The following CEP112 variants were observed in gnomAD, a reference collection of about 807,000 sequenced individuals.
The protein encoded by CEP112 is centrosomal protein of 112 kDa.
A neutral mutation model predicts 153.0 loss-of-function variants in CEP112; 127 were observed. That is an observed-to-expected ratio of 0.83 (90% CI 0.72 to 0.96). The LOEUF is 0.96. Ranked by LOEUF, CEP112 falls within the 40% of genes least tolerant of loss-of-function variation. CEP112 has a pLI of 0.00. For missense variants in CEP112, 1,089 were observed against 1,101.2 expected (o/e 0.99, Z 0.16); for synonymous variants, 358 against 374.4 (o/e 0.96, Z 0.51).
At chr17:66,058,259 T>C (rs916048653) in intron 11 of CEP112, among the ~76,000 whole-genome samples, 2 of 152,046 alleles carry the variant, frequency 1.3e-5, no homozygotes, top group Non-Finnish European at 2.9e-5. Flanking sequence ...CTAGAATATA[T>C]GAAATTAGGG....
At chr17:66,077,548 A>G (rs561850067) in intron 8 of CEP112, among the ~76,000 whole-genome samples, 13 of 152,354 alleles carry the variant, frequency 8.5e-5, no homozygotes, top group Non-Finnish European at 7.3e-5. Context: ...AAAGGCTCCA[A>G]GAAGCCTGGG....
intron 21 of CEP112, among the ~76,000 whole-genome samples, chr17:65,831,032 G>A (rs2057054534): frequency 6.6e-6 from 1 of 152,156 alleles, no homozygotes. Context: ...AGTAACAACA[G>A]GCCAGCATTT....
intron 21 of CEP112, among the ~76,000 whole-genome samples, chr17:65,821,670 GCCT>G (rs1303386222): frequency 6.8e-6 from 1 of 146,844 alleles, no homozygotes; most frequent in Non-Finnish European, 1.5e-5. Flanking sequence ...TCCTCCCTCA[GCCT>G]CCTGAGTAGC....
At chr17:66,155,973 C>T (rs2071420577) in intron 4 of CEP112, among the ~76,000 whole-genome samples, 1 of 152,210 alleles carries the variant, frequency 6.6e-6, no homozygotes, top group African/African-American at 2.4e-5. Context: ...AGACTTAAAC[C>T]TTCCTTCCTG....
At chr17:65,947,187 G>A (rs1156672128) in intron 18 of CEP112, among the ~76,000 whole-genome samples, 3 of 152,036 alleles carry the variant, frequency 2.0e-5, no homozygotes, top group Non-Finnish European at 4.4e-5. Context: ...GGCTACCTTA[G>A]ATGACTCTCC....
chr17:65,943,529 T>G (rs2061563634), intron 18 of CEP112, among the ~76,000 whole-genome samples: 1 of 152,224 alleles, frequency 6.6e-6, no homozygotes, highest in African/African-American at 2.4e-5. Flanking sequence ...GAATGTTGAA[T>G]ATTGGCCGCC....
chr17:65,666,950 T>C (rs1978162), intron 24 of CEP112, among the ~76,000 whole-genome samples: 12,869 of 152,248 alleles, frequency 0.085, 1,228 homozygotes, highest in East Asian at 0.43. Context: ...TCCTTCAGGA[T>C]ATTATTTAAA....
chr17:66,049,680 G>A (rs2066358766), intron 12 of CEP112, among the ~76,000 whole-genome samples: 1 of 152,234 alleles, frequency 6.6e-6, no homozygotes, highest in Admixed American at 6.5e-5. Context: ...GAAGCCAGGA[G>A]GTGGAGGCTG....
intron 17 of CEP112, among the ~76,000 whole-genome samples, chr17:65,977,599 C>T (rs1334499006): frequency 2.0e-5 from 3 of 152,086 alleles, no homozygotes; most frequent in Non-Finnish European, 4.4e-5. Flanking sequence ...ACATGGTGGG[C>T]AGCAGTCAGA....
At chr17:65,640,267 C>T (rs2143301764) in intron 25 of CEP112, among the ~76,000 whole-genome samples, 1 of 150,502 alleles carries the variant, frequency 6.6e-6, no homozygotes, top group East Asian at 2.0e-4. Flanking sequence ...GATTCTCCTG[C>T]CTCAGCCTTC....
Position 65,823,394 on chromosome 17 carries a change from T to C in CEP112, c.2394+28410A>G, listed in dbSNP as rs7222717. On this transcript the variant is annotated intron_variant, in intron 21 of 26. Coordinates refer to ENST00000535342, the MANE Select transcript of CEP112 (RefSeq NM_001199165.4). ...AGTAGGCCACATATATGTGGTCAAA[T>C]GATTTTCAACAAAGCTGCAAAGGCA... Among the ~76,000 whole-genome samples the C allele has an allele frequency of 1.0e-2, 1,520 of 152,314 alleles. 32 individuals carry two copies. Among genetic ancestry groups the C allele is most frequent in the African/African-American group, 0.035 (1,448 of 41,580 alleles).
intron 20 of CEP112, among the ~76,000 whole-genome samples, chr17:65,877,067 G>A (rs74805895): frequency 0.012 from 1,839 of 152,292 alleles, 41 homozygotes; most frequent in African/African-American, 0.042. Flanking sequence ...CAGATGAGAA[G>A]CTCTGCACGT....
chr17:66,081,558 G>A (rs182652999), intron 8 of CEP112, among the ~76,000 whole-genome samples: 15 of 151,834 alleles, frequency 9.9e-5, no homozygotes, highest in East Asian at 3.9e-4. Context: ...CAATAACTGT[G>A]GCTTTCTTTA....
chr17:66,146,797 A>G (rs1481450270), intron 4 of CEP112, among the ~76,000 whole-genome samples: 5 of 152,158 alleles, frequency 3.3e-5, no homozygotes, highest in Non-Finnish European at 5.9e-5. Context: ...TTCACTTAGC[A>G]TAATGTCTTC....
chr17:65,996,392 CTATGT>C (rs1598049545), intron 17 of CEP112, among the ~76,000 whole-genome samples: 1 of 151,882 alleles, frequency 6.6e-6, no homozygotes, highest in Admixed American at 6.6e-5. Flanking sequence ...TTTACTCAAT[CTATGT>C]TATATCTATA....
intron 21 of CEP112, among the ~76,000 whole-genome samples, chr17:65,753,565 T>C (rs1315642591): frequency 1.3e-5 from 2 of 152,172 alleles, no homozygotes; most frequent in Non-Finnish European, 2.9e-5. Context: ...GTCATCAGAC[T>C]TGACTCCAGC....
intron 18 of CEP112, 54 bp from the exon 19 acceptor site, chr17:65,927,743 T>A: frequency 8.7e-7 from 1 of 1,147,270 alleles, no homozygotes; most frequent in African/African-American, 1.6e-5. Context: ...TTGTGTTCCA[T>A]GTTTTTGTAA....
intron 21 of CEP112, among the ~76,000 whole-genome samples, chr17:65,836,491 T>A (rs1286070487): frequency 6.6e-6 from 1 of 152,168 alleles, no homozygotes; most frequent in Non-Finnish European, 1.5e-5. Context: ...CAGGAATAGT[T>A]ACACTTATAT....
chr17:66,160,955 A>G (rs1034729040), intron 4 of CEP112, among the ~76,000 whole-genome samples: 2 of 152,168 alleles, frequency 1.3e-5, no homozygotes, highest in Admixed American at 1.3e-4. Flanking sequence ...CACAAGACTA[A>G]TATCCAGAAT....
Sources: allele counts gnomAD v4.1 joint callset (sites outside exome capture counted in the v4.1 genomes callset), GRCh38; gene constraint gnomAD v4.1.1; transcripts MANE v1.5; gene names NCBI Gene and HGNC (gene_info 2026-07-23, HGNC 2026-07-21).